The following MACROD2 variants were observed in gnomAD, a reference collection of about 807,000 sequenced individuals.
The protein encoded by MACROD2 is ADP-ribose glycohydrolase MACROD2.
A neutral mutation model predicts 70.4 loss-of-function variants in MACROD2; 36 were observed. The observed-to-expected ratio is 0.51, with a 90% CI of 0.39 to 0.68. The LOEUF (loss-of-function observed/expected upper bound fraction) is 0.68, where lower values mean the gene tolerates loss of function less well. Ranked by LOEUF, MACROD2 falls within the 30% of genes least tolerant of loss-of-function variation. MACROD2 has a pLI of 0.00. For missense variants in MACROD2, 496 were observed against 538.4 expected (o/e 0.92, Z 0.78); for synonymous variants, 172 against 178.8 (o/e 0.96, Z 0.30).
chr20:15,138,144 G>T (rs1037423219), intron 5 of MACROD2, among the ~76,000 whole-genome samples: 2 of 152,096 alleles, frequency 1.3e-5, no homozygotes, highest in African/African-American at 4.8e-5. Context: ...TCTGTAGAGA[G>T]TTTTTGCATA....
chr20:14,464,747 T>G (rs950110701), intron 3 of MACROD2, among the ~76,000 whole-genome samples: 4 of 152,110 alleles, frequency 2.6e-5, no homozygotes, highest in African/African-American at 9.7e-5. Context: ...TTTGTTCTCG[T>G]TGGTTTCAAA....
intron 5 of MACROD2, among the ~76,000 whole-genome samples, chr20:14,943,251 T>C (rs2074404996): frequency 6.6e-6 from 1 of 152,156 alleles, no homozygotes; most frequent in Non-Finnish European, 1.5e-5. Flanking sequence ...TGAGACAGTG[T>C]TATCATAAGT....
intron 5 of MACROD2, among the ~76,000 whole-genome samples, chr20:14,878,548 C>T (rs1170785054): frequency 6.6e-6 from 1 of 152,056 alleles, no homozygotes; most frequent in East Asian, 1.9e-4. Flanking sequence ...GAGATAGACT[C>T]AGGATAGGGG....
At chr20:15,901,116 C>G (rs2065057180) in intron 10 of MACROD2, among the ~76,000 whole-genome samples, 1 of 152,172 alleles carries the variant, frequency 6.6e-6, no homozygotes, top group African/African-American at 2.4e-5. Context: ...GCTTGCATCG[C>G]ACATCTAGCT....
chr20:15,777,437 T>A (rs2051740419), intron 8 of MACROD2, among the ~76,000 whole-genome samples: 1 of 132,652 alleles, frequency 7.5e-6, no homozygotes, highest in Non-Finnish European at 1.6e-5. Flanking sequence ...CTGAGAGACA[T>A]GTTTTTTTTT....
intron 3 of MACROD2, among the ~76,000 whole-genome samples, chr20:14,231,418 C>G (rs1199140343): frequency 6.6e-6 from 1 of 152,030 alleles, no homozygotes; most frequent in Non-Finnish European, 1.5e-5. Context: ...CGATAGTTTG[C>G]TGAGAATGAT....
At chr20:14,644,610 A>G (rs1269479073) in intron 4 of MACROD2, among the ~76,000 whole-genome samples, 8 of 152,156 alleles carry the variant, frequency 5.3e-5, no homozygotes. Flanking sequence ...CCAAGGCTCC[A>G]TTTTACTTGT....
chr20:15,449,236 C>T (rs1363407519), intron 7 of MACROD2, among the ~76,000 whole-genome samples: 2 of 152,104 alleles, frequency 1.3e-5, no homozygotes, highest in Admixed American at 1.3e-4. Flanking sequence ...TGAGCCTTGG[C>T]TAATAATTGA....
At chr20:14,316,285 T>C (rs1159188566) in intron 3 of MACROD2, among the ~76,000 whole-genome samples, 2 of 152,226 alleles carry the variant, frequency 1.3e-5, no homozygotes, top group Non-Finnish European at 2.9e-5. Context: ...TTCAGCATCA[T>C]GGGGCAGAGG....
intron 5 of MACROD2, among the ~76,000 whole-genome samples, chr20:14,857,768 C>T (rs1029288298): frequency 6.6e-6 from 1 of 151,168 alleles, no homozygotes; most frequent in South Asian, 2.1e-4. Flanking sequence ...CAATTAATAC[C>T]TTTGTGGAGT....
At chr20:14,805,736 C>G (rs117211237) in intron 5 of MACROD2, among the ~76,000 whole-genome samples, 1 of 152,026 alleles carries the variant, frequency 6.6e-6, no homozygotes, top group Non-Finnish European at 1.5e-5. Flanking sequence ...TCTATCCATA[C>G]GTCTAACAAG....
intron 3 of MACROD2, among the ~76,000 whole-genome samples, chr20:14,195,983 A>G (rs1397676811): frequency 6.6e-6 from 1 of 152,206 alleles, no homozygotes; most frequent in Non-Finnish European, 1.5e-5. Context: ...ACAGACAGCT[A>G]AACTAAAAGA....
At chr20:14,714,348 A>G (rs757752099) in intron 5 of MACROD2, among the ~76,000 whole-genome samples, 8 of 152,044 alleles carry the variant, frequency 5.3e-5, no homozygotes, top group Non-Finnish European at 1.2e-4. Flanking sequence ...ACTGCTGCAC[A>G]CAGTAGCCCC....
intron 12 of MACROD2, among the ~76,000 whole-genome samples, chr20:15,952,666 T>G (rs944014447): frequency 6.6e-6 from 1 of 152,162 alleles, no homozygotes; most frequent in Non-Finnish European, 1.5e-5. Context: ...CCCTCCCAGA[T>G]TCTTTCCTGG....
At chr20:14,693,483 C>G (rs1898470481) in intron 5 of MACROD2, among the ~76,000 whole-genome samples, 1 of 152,004 alleles carries the variant, frequency 6.6e-6, no homozygotes, top group African/African-American at 2.4e-5. Context: ...TTTTTTCTCC[C>G]TGTGTTAAGA....
At chr20:15,775,708 C>T (rs1033835988) in intron 8 of MACROD2, among the ~76,000 whole-genome samples, 18 of 151,896 alleles carry the variant, frequency 1.2e-4, no homozygotes, top group Admixed American at 2.0e-4. Flanking sequence ...ATTTTCGGGG[C>T]GAGGGGAAGG....
At chr20:14,511,027 T>G (rs1008323654) in intron 4 of MACROD2, among the ~76,000 whole-genome samples, 14 of 152,034 alleles carry the variant, frequency 9.2e-5, no homozygotes, top group African/African-American at 3.1e-4. Context: ...TTAAGCTTAC[T>G]TATGTGATTG....
chr20:15,713,445 A>G (rs2050657506), intron 8 of MACROD2, among the ~76,000 whole-genome samples: 1 of 152,350 alleles, frequency 6.6e-6, no homozygotes, highest in South Asian at 2.1e-4. Flanking sequence ...TCTGAAGGCT[A>G]TACAGGCTTC....
chr20:15,922,476 A>C (rs1434074002), intron 10 of MACROD2, among the ~76,000 whole-genome samples: 1 of 152,206 alleles, frequency 6.6e-6, no homozygotes, highest in Non-Finnish European at 1.5e-5. Flanking sequence ...CATTTATAGC[A>C]CATCTCAATG....
Sources: allele counts gnomAD v4.1 joint callset (sites outside exome capture counted in the v4.1 genomes callset), GRCh38; gene constraint gnomAD v4.1.1; transcripts MANE v1.5; gene names NCBI Gene and HGNC (gene_info 2026-07-23, HGNC 2026-07-21).